Variants in TBC1D23 observed in about 807,000 individuals in gnomAD.
TBC1D23 encodes HCV non-structural protein 4A-transactivated protein 1.
A neutral mutation model predicts 91.4 loss-of-function variants in TBC1D23; 55 were observed. The ratio of observed to expected loss-of-function variants is 0.60; its 90% CI spans 0.48 to 0.75. The LOEUF (loss-of-function observed/expected upper bound fraction) is 0.75, where lower values mean the gene tolerates loss of function less well. Ranked by LOEUF, TBC1D23 falls within the 30% of genes least tolerant of loss-of-function variation. The pLI is 0.00. For missense variants in TBC1D23, 725 were observed against 836.1 expected (o/e 0.87, Z 1.64); for synonymous variants, 289 against 281.0 (o/e 1.03, Z -0.28).
intron 1 of TBC1D23, among the ~76,000 whole-genome samples, chr3:100,277,866 T>C (rs1160225244): frequency 1.3e-5 from 2 of 152,220 alleles, no homozygotes; most frequent in Non-Finnish European, 2.9e-5. Flanking sequence ...AACAGTAGAC[T>C]TGAAATCTTT....
intron 1 of TBC1D23, among the ~76,000 whole-genome samples, chr3:100,262,732 A>AAAAC (rs1276288783): frequency 6.7e-6 from 1 of 149,810 alleles, no homozygotes; most frequent in Non-Finnish European, 1.5e-5. Flanking sequence ...TCAAAAAAAA[A>AAAAC]AAAAAAAAAA....
At chr3:100,294,467 G>T (rs1209835236) in intron 5 of TBC1D23, among the ~76,000 whole-genome samples, 1 of 151,864 alleles carries the variant, frequency 6.6e-6, no homozygotes, top group Non-Finnish European at 1.5e-5. Context: ...CACTATGTTG[G>T]CCAGGTTGGT....
intron 5 of TBC1D23, 78 bp downstream of exon 5, chr3:100,290,779 AG>A: frequency 3.2e-6 from 4 of 1,242,602 alleles, no homozygotes; most frequent in Non-Finnish European, 4.4e-6. Context: ...TTTTTTTTCA[AG>A]GAAGAGAAAG....
intron 10 of TBC1D23, among the ~76,000 whole-genome samples, chr3:100,299,669 C>T (rs549853945): frequency 1.3e-5 from 2 of 152,226 alleles, no homozygotes; most frequent in Non-Finnish European, 2.9e-5. Flanking sequence ...ACCACCAGGC[C>T]CGGCTAATTT....
chr3:100,310,624 G>T, intron 14 of TBC1D23, 82 bp downstream of exon 14: 2 of 1,046,072 alleles, frequency 1.9e-6, no homozygotes, highest in Non-Finnish European at 2.7e-6. Context: ...AATGTTAGTT[G>T]AATTTAATGT....
chr3:100,324,934 T>G lies in TBC1D23; in HGVS notation c.*1266T>G, dbSNP rs1373996612. 6.6e-6 allele frequency: 1 copy of G among 152,224 alleles called. No homozygotes were observed. The highest frequency in any genetic ancestry group is 6.5e-5 in the Admixed American group (1 of 15,284). 9.4% of individuals were successfully genotyped at this position (152,224 alleles called of 1,614,324 possible). ...ACAGCCAGTCATTTTGATTTACTTA[T>G]GGAAATCAAGTGAATAAAAGGCAAC... On this transcript the variant is annotated 3_prime_UTR_variant, in exon 19 of 19. Transcript: ENST00000394144.
intron 10 of TBC1D23, 55 bp downstream of exon 10, chr3:100,299,386 A>G: frequency 9.3e-7 from 1 of 1,072,414 alleles, no homozygotes; most frequent in African/African-American, 1.6e-5. Context: ...CCTTCAGTTC[A>G]TAAATAAATA....
At chr3:100,299,569 G>T (rs1705379540) in intron 10 of TBC1D23, among the ~76,000 whole-genome samples, 2 of 152,184 alleles carry the variant, frequency 1.3e-5, no homozygotes, top group Admixed American at 6.6e-5. Context: ...GAGTGCAATG[G>T]TGCGATCTCG....
intron 8 of TBC1D23, 52 bp downstream of exon 8, chr3:100,296,327 T>G (rs766157142): frequency 1.3e-5 from 13 of 1,015,176 alleles, no homozygotes; most frequent in Non-Finnish European, 1.9e-5. Flanking sequence ...TTGTACATTG[T>G]TTTATTACTT....
At chr3:100,261,812 A>G (rs1397590694) in intron 1 of TBC1D23, among the ~76,000 whole-genome samples, 2 of 152,190 alleles carry the variant, frequency 1.3e-5, no homozygotes, top group Admixed American at 6.5e-5. Context: ...AAAGGCTTCT[A>G]CTTTTGAAAT....
chr3:100,299,124 T>G, intron 9 of TBC1D23, 115 bp from the exon 10 acceptor site: 78 of 587,958 alleles, frequency 1.3e-4, no homozygotes, highest in Non-Finnish European at 1.8e-4. Flanking sequence ...CAATTCCATG[T>G]GAGATCCATT....
intron 18 of TBC1D23, among the ~76,000 whole-genome samples, chr3:100,321,887 TA>T (rs1215756046): frequency 6.8e-6 from 1 of 147,646 alleles, no homozygotes; most frequent in African/African-American, 2.5e-5. Context: ...TACATAGTGA[TA>T]TTTTCAATTA....
At chr3:100,262,276 G>T (rs1431174089) in intron 1 of TBC1D23, among the ~76,000 whole-genome samples, 3 of 152,098 alleles carry the variant, frequency 2.0e-5, no homozygotes, top group Non-Finnish European at 4.4e-5. Context: ...AGAGGTTGGC[G>T]GTGGGGGCTG....
intron 4 of TBC1D23, among the ~76,000 whole-genome samples, chr3:100,284,898 G>A (rs554955710): frequency 2.5e-4 from 38 of 152,276 alleles, no homozygotes; most frequent in Non-Finnish European, 5.1e-4. Flanking sequence ...ATCTCTTGGT[G>A]ATGGGACCTA....
At chr3:100,292,966 TA>T (rs2067804816) in intron 5 of TBC1D23, among the ~76,000 whole-genome samples, 3 of 152,182 alleles carry the variant, frequency 2.0e-5, no homozygotes, top group Non-Finnish European at 4.4e-5. Flanking sequence ...GTTAAGGTAG[TA>T]AACTATTTTT....
At position 100,312,283 on chromosome 3, in the gene TBC1D23, C is replaced by T. The variant is rs148815357; in HGVS notation, c.1598+406C>T. ...AATTATAGCACCTAAAAATAGGCAC[C>T]GTTCATGGTTCAAAATTTTTGTTAA... On this transcript the variant is annotated intron_variant, in intron 15 of 18. Transcript: ENST00000394144. Among the ~76,000 whole-genome samples the T allele has an allele frequency of 8.3e-3, 1,261 of 152,104 alleles. 5 individuals carry two copies. The highest frequency in any genetic ancestry group is 0.014 in the African/African-American group (565 of 41,478).
chr3:100,322,555 G>A (rs895513601), intron 18 of TBC1D23, among the ~76,000 whole-genome samples: 1 of 152,072 alleles, frequency 6.6e-6, no homozygotes, highest in Non-Finnish European at 1.5e-5. Flanking sequence ...TGTTTACATA[G>A]TTGTCCAATT....
intron 4 of TBC1D23, among the ~76,000 whole-genome samples, chr3:100,284,932 C>G (rs2067726651): frequency 6.6e-6 from 1 of 152,084 alleles, no homozygotes; most frequent in South Asian, 2.1e-4. Flanking sequence ...TTAGAGCTTA[C>G]TAATTAATTT....
At chr3:100,306,413 CT>C (rs199565283) in intron 12 of TBC1D23, 23 bp from the exon 13 acceptor site, 9,245 of 1,231,044 alleles carry the variant, frequency 7.5e-3, no homozygotes, top group Non-Finnish European at 8.4e-3. Context: ...TTAGGTTTTT[CT>C]TTTTTTTTTA....
Sources: allele counts gnomAD v4.1 joint callset (sites outside exome capture counted in the v4.1 genomes callset), GRCh38; gene constraint gnomAD v4.1.1; transcripts MANE v1.5; gene names NCBI Gene and HGNC (gene_info 2026-07-23, HGNC 2026-07-21).